Variants in CYBRD1 observed in about 807,000 individuals in gnomAD.
The protein encoded by CYBRD1 is cytochrome b reductase 1.
Under a neutral mutation model 21.9 loss-of-function variants are expected in CYBRD1, and 14 were observed. The observed-to-expected ratio is 0.64, with a 90% CI of 0.42 to 1.00. The LOEUF is 1.00. Among genes scored for constraint, CYBRD1 ranks in the 50% least tolerant of loss-of-function variants. The pLI, the probability that CYBRD1 is intolerant of heterozygous loss-of-function variation, is 0.00. For missense variants in CYBRD1, 328 were observed against 352.5 expected (o/e 0.93, Z 0.56); for synonymous variants, 146 against 136.5 (o/e 1.07, Z -0.48).
chr2:171,552,687 T>TATAGGA (rs1271177301), intron 2 of CYBRD1, among the ~76,000 whole-genome samples: 2 of 152,236 alleles, frequency 1.3e-5, no homozygotes, highest in African/African-American at 2.4e-5. Context: ...CTTCAGTTTA[T>TATAGGA]ATAGGAACCT....
At chr2:171,525,699 A>C (rs953254711) in intron 1 of CYBRD1, among the ~76,000 whole-genome samples, 1 of 152,222 alleles carries the variant, frequency 6.6e-6, no homozygotes, top group Non-Finnish European at 1.5e-5. Context: ...AGAAGGCTAA[A>C]GTACAGTTAT....
chr2:171,553,599 G>T, intron 3 of CYBRD1, 99 bp downstream of exon 3: 1 of 1,074,394 alleles, frequency 9.3e-7, no homozygotes, highest in African/African-American at 1.6e-5. Flanking sequence ...AAATTTTTTA[G>T]ATATTAAAAT....
chr2:171,527,708 T>C (rs1273542327), intron 1 of CYBRD1, among the ~76,000 whole-genome samples: 1 of 152,182 alleles, frequency 6.6e-6, no homozygotes, highest in Non-Finnish European at 1.5e-5. Context: ...TCTGCATCAT[T>C]AAGTTTCTCC....
intron 2 of CYBRD1, among the ~76,000 whole-genome samples, chr2:171,547,513 C>T (rs113387814): frequency 0.013 from 1,964 of 151,026 alleles, 38 homozygotes; most frequent in African/African-American, 0.044. Context: ...AGGATGGCAC[C>T]AGTAAAGAAA....
intron 2 of CYBRD1, chr2:171,551,186 T>G (rs1246331703): frequency 6.5e-6 from 1 of 154,146 alleles, no homozygotes; most frequent in Non-Finnish European, 1.4e-5. Context: ...TGGACTCAAG[T>G]GATCTTCCCA....
At chr2:171,532,541 T>G (rs1010569934) in intron 1 of CYBRD1, among the ~76,000 whole-genome samples, 4 of 152,212 alleles carry the variant, frequency 2.6e-5, no homozygotes, top group Admixed American at 6.5e-5. Flanking sequence ...GGCTTATGCC[T>G]GTAATTCTAG....
Position 171,557,896 on chromosome 2 carries a change from A to G in CYBRD1, c.*3069A>G, listed in dbSNP as rs1683516430. On this transcript the variant is annotated 3_prime_UTR_variant, in exon 4 of 4. Transcript: ENST00000321348. ...GGTATGTCCTTTTTTAGATAACTCC[A>G]GCAGGAAACTGTAACTGCTATGTCT... The G allele has an allele frequency of 6.6e-6, 1 of 152,206 alleles. No individual in the cohort carries two copies. Among genetic ancestry groups the G allele is most frequent in the South Asian group, 2.1e-4 (1 of 4,822 alleles). The allele number at this position is 152,206 out of a possible 1,614,324, so 9.4% of individuals were successfully genotyped here. A position where few individuals can be genotyped will look rare whatever the true frequency, so the allele number is the denominator to read the frequency against.
At chr2:171,534,924 C>T (rs1318110785) in intron 1 of CYBRD1, among the ~76,000 whole-genome samples, 1 of 152,056 alleles carries the variant, frequency 6.6e-6, no homozygotes, top group Non-Finnish European at 1.5e-5. Flanking sequence ...ACCTGTAATC[C>T]CAGTTACAGT....
intron 1 of CYBRD1, chr2:171,539,729 C>CT (rs11463294): frequency 0.28 from 40,397 of 145,434 alleles, 5,763 homozygotes; most frequent in South Asian, 0.38. Context: ...CTTTTGTTTT[C>CT]TTTTTTTTTT....
In CYBRD1 at chr2:171,541,538, T is replaced by TA. The variant is rs770791407; in HGVS notation, c.194-41dup. On this transcript the variant is annotated intron_variant, in intron 1 of 3. Transcript: ENST00000321348. ...GTCAAACTGTTCATTTTGTGTTGTT[T>TA]AAAAAACAAAACAAAACACATTCTG... 1.5e-5 allele frequency: 24 copies of TA among 1,587,666 alleles called. No individual in the cohort carries two copies. In the African/African-American group the frequency reaches 3.2e-4, roughly 21 times the overall value.
intron 1 of CYBRD1, among the ~76,000 whole-genome samples, chr2:171,535,006 A>G (rs1697524794): frequency 6.6e-6 from 1 of 152,120 alleles, no homozygotes; most frequent in Non-Finnish European, 1.5e-5. Context: ...GCGCCACTAC[A>G]CTCCAGCCTG....
rs60636441 is a variant in CYBRD1 at position 171,540,772 on chromosome 2, C to CTTTTTTTTTTTTTTTTT, written c.194-797_194-796insTTTTTTTTTTTTTTTTT. 26 of 109,904 alleles carry CTTTTTTTTTTTTTTTTT rather than the reference C, an allele frequency of 2.4e-4. 5 individuals are homozygous for CTTTTTTTTTTTTTTTTT. Among genetic ancestry groups the CTTTTTTTTTTTTTTTTT allele is most frequent in the African/African-American group, 4.4e-4 (12 of 27,030 alleles). 6.8% of individuals were successfully genotyped at this position (109,904 alleles called of 1,614,324 possible). Reference sequence around the variant, plus strand: ...CTTTCTTTTTCTTATCAAACTAAGACTTTTTTTTTTTTTTTTGTCTTCCTC... The same window carrying CTTTTTTTTTTTTTTTTT: ...CTTTCTTTTTCTTATCAAACTAAGACTTTTTTTTTTTTTTTTTTTTTTTTTTTTTTTTTGTCTTCCTC... On this transcript the variant is annotated intron_variant, in intron 1 of 3. Transcript: ENST00000321348.
intron 2 of CYBRD1, among the ~76,000 whole-genome samples, chr2:171,549,723 C>T (rs997739943): frequency 4.6e-5 from 7 of 152,200 alleles, no homozygotes; most frequent in Non-Finnish European, 1.5e-5. Context: ...ACTGTATTTT[C>T]ACTTTCATCT....
intron 2 of CYBRD1, among the ~76,000 whole-genome samples, chr2:171,548,562 T>C (rs1697752275): frequency 6.9e-6 from 1 of 144,402 alleles, no homozygotes; most frequent in Non-Finnish European, 1.5e-5. Flanking sequence ...TATAAAATAG[T>C]ACAAAGATGA....
At chr2:171,548,617 T>C (rs1574443474) in intron 2 of CYBRD1, among the ~76,000 whole-genome samples, 1 of 141,654 alleles carries the variant, frequency 7.1e-6, no homozygotes, top group East Asian at 2.0e-4. Context: ...ACAGTTTACT[T>C]GAAAGCTCAT....
intron 1 of CYBRD1, among the ~76,000 whole-genome samples, chr2:171,538,808 T>A (rs1697583997): frequency 6.6e-6 from 1 of 152,200 alleles, no homozygotes; most frequent in Non-Finnish European, 1.5e-5. Context: ...TTTGTTTGTT[T>A]GTTTTTTGAG....
chr2:171,553,449 C>A lies in CYBRD1; in HGVS notation c.506C>A (p.Thr169Lys). 5.0e-6 allele frequency: 8 copies of A among 1,613,630 alleles called. No individual in the cohort carries two copies. The South Asian group carries it at 8.8e-5, about 18-fold the overall frequency. The change falls in exon 3 of 4, where the codon ACA becomes AAA. Residue 169 changes from threonine (T) to lysine (K), a missense_variant. Thr to Lys is a moderately conservative substitution (Grantham distance 78). Coordinates refer to ENST00000321348, the MANE Select transcript of CYBRD1 (RefSeq NM_024843.4). Reference protein sequence around the residue: ...HVYSGIVIFGTVIATALMGLT... With the variant: ...HVYSGIVIFGKVIATALMGLT... ...TATTCTGGAATTGTCATCTTTGGAA[C>A]AGTGATTGCAACAGCACTTATGGGA...
At chr2:171,544,654 A>G (rs985665890) in intron 2 of CYBRD1, among the ~76,000 whole-genome samples, 3 of 152,206 alleles carry the variant, frequency 2.0e-5, no homozygotes, top group African/African-American at 7.2e-5. Context: ...AGATGGGTAA[A>G]CTATCTTCCC....
chr2:171,522,487 G>A lies in CYBRD1; in HGVS notation c.-59G>A. Reference sequence around the variant, plus strand: ...TCCCGCCGCCCGGCCACTACCCAGAGGGCTGCCGCCGCCTCTCCAAGTTCT... The same window carrying A: ...TCCCGCCGCCCGGCCACTACCCAGAAGGCTGCCGCCGCCTCTCCAAGTTCT... On this transcript the variant is annotated 5_prime_UTR_variant, in exon 1 of 4. Transcript: ENST00000321348. The surrounding 1 kb of genome is among the most constrained non-coding windows in gnomAD (Gnocchi z 4.3). 1 of 1,550,392 alleles carries A rather than the reference G, an allele frequency of 6.4e-7. No homozygotes were observed. The highest frequency in any genetic ancestry group is 2.0e-5 in the Admixed American group (1 of 51,046).
Sources: gnomAD v4.1 joint callset for allele counts (sites outside exome capture counted in the v4.1 genomes callset) on GRCh38, gnomAD v4.1.1 for gene constraint, Gnocchi (gnomAD v3.1) non-coding constraint, MANE v1.5 for transcripts, NCBI Gene and HGNC (gene_info 2026-07-23, HGNC 2026-07-21) for gene names.